KIAA1958: variants seen among roughly 807,000 people sequenced by gnomAD.
The protein encoded by KIAA1958 is uncharacterized protein KIAA1958.
In KIAA1958, 14 loss-of-function variants were observed where a neutral mutation model predicts 47.2. The observed-to-expected ratio is 0.30, with a 90% CI of 0.20 to 0.46. The LOEUF is 0.46. KIAA1958 is among the 20% of genes least tolerant of loss of function. The pLI is 1.00. For synonymous variants in KIAA1958, 354 were observed against 353.3 expected (o/e 1.00, Z -0.02); for missense variants, 803 against 909.2 (o/e 0.88, Z 1.50).
In KIAA1958 at chr9:112,664,231, C is replaced by G. The variant is rs1009443051; in HGVS notation, c.*4162C>G. The G allele has an allele frequency of 1.3e-5, 2 of 152,244 alleles. No homozygotes were observed. The highest frequency in any genetic ancestry group is 2.9e-5 in the Non-Finnish European group (2 of 68,048). 9.4% of individuals were successfully genotyped at this position (152,244 alleles called of 1,614,324 possible). ...AGGAATAAGACTTTCCTTTAATTTT[C>G]AAGTTCCACAACTTCTAAAATTATT... On this transcript the variant is annotated 3_prime_UTR_variant, in exon 4 of 4. Coordinates refer to ENST00000337530, the MANE Select transcript of KIAA1958 (RefSeq NM_133465.4).
rs569446812 is a variant in KIAA1958 at position 112,662,193 on chromosome 9, A to C, written c.*2124A>C. On this transcript the variant is annotated 3_prime_UTR_variant, in exon 4 of 4. Transcript: ENST00000337530. ...GCCTGTCACCTAGTTGATGTTCCATAAAATCCCTGGGTTCTGAAGTGAATT... is the reference window on the plus strand; with the variant it reads ...GCCTGTCACCTAGTTGATGTTCCATCAAATCCCTGGGTTCTGAAGTGAATT... 6.6e-6 allele frequency: 1 copy of C among 152,322 alleles called. No homozygotes were observed. The highest frequency in any genetic ancestry group is 1.9e-4 in the East Asian group (1 of 5,184). The allele number at this position is 152,322 out of a possible 1,614,324, so 9.4% of individuals were successfully genotyped here. A position where few individuals can be genotyped will look rare whatever the true frequency, so the allele number is the denominator to read the frequency against.
intron 2 of KIAA1958, among the ~76,000 whole-genome samples, chr9:112,576,067 T>A (rs1835640031): frequency 6.6e-6 from 1 of 152,202 alleles, no homozygotes; most frequent in Admixed American, 6.5e-5. Context: ...TTTTAGTTTA[T>A]TTCAGCCCTT....
At chr9:112,632,208 TA>T (rs1418774724) in intron 2 of KIAA1958, among the ~76,000 whole-genome samples, 1 of 152,168 alleles carries the variant, frequency 6.6e-6, no homozygotes, top group Non-Finnish European at 1.5e-5. Context: ...ATTTTTCATA[TA>T]AAAATTGGAA....
chr9:112,539,303 G>C (rs1453420419), intron 1 of KIAA1958, among the ~76,000 whole-genome samples: 1 of 152,214 alleles, frequency 6.6e-6, no homozygotes, highest in Non-Finnish European at 1.5e-5. Flanking sequence ...ATGTCTATCA[G>C]CTGATGAAGG....
chr9:112,606,598 TC>T (rs1415701919), intron 2 of KIAA1958, among the ~76,000 whole-genome samples: 1 of 152,206 alleles, frequency 6.6e-6, no homozygotes, highest in Non-Finnish European at 1.5e-5. Context: ...TTATAGTATA[TC>T]TTCTTTTATG....
chr9:112,555,569 G>A (rs1195234573), intron 1 of KIAA1958, among the ~76,000 whole-genome samples: 1 of 152,194 alleles, frequency 6.6e-6, no homozygotes, highest in African/African-American at 2.4e-5. Flanking sequence ...CAAGATTCCA[G>A]CAGGTTCATT....
rs758243573 is a variant in KIAA1958, at chr9:112,487,011, CCGCCCTCG to C, written c.-126_-119del. 7.1e-4 allele frequency: 131 copies of C among 184,434 alleles called. No individual in the cohort carries two copies. Among genetic ancestry groups the C allele is most frequent in the Admixed American group, 1.2e-3 (19 of 15,774 alleles). The allele number at this position is 184,434 out of a possible 1,614,324, so 11.4% of individuals were successfully genotyped here. A position where few individuals can be genotyped will look rare whatever the true frequency, so the allele number is the denominator to read the frequency against. On this transcript the variant is annotated 5_prime_UTR_variant, in exon 1 of 4. Transcript: ENST00000337530. ...GCCCGGCCCTCTGGCCGCTCTCCTC[CCGCCCTCG>C]CGCCCCTTCGGCCCGTCCCGTCCAG...
intron 2 of KIAA1958, among the ~76,000 whole-genome samples, chr9:112,634,473 C>T (rs149832881): frequency 0.036 from 5,552 of 152,202 alleles, 336 homozygotes; most frequent in African/African-American, 0.12. Flanking sequence ...TCAAGTGATC[C>T]GCCAGCCTTG....
chr9:112,529,091 T>C (rs189094421), intron 1 of KIAA1958, among the ~76,000 whole-genome samples: 1 of 152,350 alleles, frequency 6.6e-6, no homozygotes, highest in East Asian at 1.9e-4. Context: ...CAGGAGGTGG[T>C]CTAACAATGG....
chr9:112,500,767 G>T (rs1206966918), intron 1 of KIAA1958, among the ~76,000 whole-genome samples: 3 of 152,054 alleles, frequency 2.0e-5, no homozygotes, highest in Non-Finnish European at 2.9e-5. Context: ...TAATATTTTT[G>T]AGAAAAACGA....
In KIAA1958 at chr9:112,665,948, T is replaced by G. The variant is rs2131260296; in HGVS notation, c.*5879T>G. 1 of 152,324 alleles carries G rather than the reference T, an allele frequency of 6.6e-6. No individual in the cohort carries two copies. The highest frequency in any genetic ancestry group is 2.4e-5 in the African/African-American group (1 of 41,574). 9.4% of individuals were successfully genotyped at this position (152,324 alleles called of 1,614,324 possible). ...CCATTTAATTTTGGTCAGAGGATTT[T>G]TATAATCTGTAGGCTATAGCACTGT... On this transcript the variant is annotated 3_prime_UTR_variant, in exon 4 of 4. Transcript: ENST00000337530.
chr9:112,646,199 G>T (rs190576298), intron 3 of KIAA1958, among the ~76,000 whole-genome samples: 1 of 152,154 alleles, frequency 6.6e-6, no homozygotes, highest in Non-Finnish European at 1.5e-5. Flanking sequence ...AGACTCACTT[G>T]ACTACAGCAG....
intron 2 of KIAA1958, among the ~76,000 whole-genome samples, chr9:112,625,521 C>T (rs1016777017): frequency 6.6e-6 from 1 of 151,874 alleles, no homozygotes; most frequent in African/African-American, 2.4e-5. Flanking sequence ...TGCTCACACC[C>T]TGTTAGGGTG....
intron 1 of KIAA1958, among the ~76,000 whole-genome samples, chr9:112,498,598 T>C (rs1834083345): frequency 6.6e-6 from 1 of 152,202 alleles, no homozygotes; most frequent in African/African-American, 2.4e-5. Flanking sequence ...CATAATCTTA[T>C]GTGTAGAGTG....
At chr9:112,653,675 C>T (rs1188086024) in intron 3 of KIAA1958, among the ~76,000 whole-genome samples, 16 of 152,100 alleles carry the variant, frequency 1.1e-4, no homozygotes, top group Admixed American at 2.0e-4. Flanking sequence ...CCAAGGCGGG[C>T]GGATCACTTG....
chr9:112,536,485 G>T (rs1421837775), intron 1 of KIAA1958, among the ~76,000 whole-genome samples: 1 of 152,234 alleles, frequency 6.6e-6, no homozygotes, highest in South Asian at 2.1e-4. Context: ...CAAATTTCTT[G>T]TTAAGTTGTA....
chr9:112,662,606 A>G lies in KIAA1958; in HGVS notation c.*2537A>G, dbSNP rs954513767. 2 of 152,340 alleles carry G rather than the reference A, an allele frequency of 1.3e-5. No individual in the cohort carries two copies. The highest frequency in any genetic ancestry group is 4.8e-5 in the African/African-American group (2 of 41,458). The allele number at this position is 152,340 out of a possible 1,614,324, so 9.4% of individuals were successfully genotyped here. On this transcript the variant is annotated 3_prime_UTR_variant, in exon 4 of 4. Coordinates refer to ENST00000337530, the MANE Select transcript of KIAA1958 (RefSeq NM_133465.4). ...GGTCAGGAGTTCAAGATCAGGACCA[A>G]CATGGTGAAACCCCATCTCTACTAA...
At chr9:112,656,811 A>G (rs1727646310) in intron 3 of KIAA1958, among the ~76,000 whole-genome samples, 1 of 152,118 alleles carries the variant, frequency 6.6e-6, no homozygotes, top group Non-Finnish European at 1.5e-5. Flanking sequence ...TAGTAATTAT[A>G]TTTTGCTAGA....
intron 2 of KIAA1958, among the ~76,000 whole-genome samples, chr9:112,616,104 G>A (rs545381171): frequency 2.0e-5 from 3 of 152,202 alleles, no homozygotes; most frequent in Non-Finnish European, 2.9e-5. Flanking sequence ...ATGTCAAATG[G>A]TTACATTCAA....
Sources: gnomAD v4.1 joint callset for allele counts (sites outside exome capture counted in the v4.1 genomes callset) on GRCh38, gnomAD v4.1.1 for gene constraint, MANE v1.5 for transcripts, NCBI Gene and HGNC (gene_info 2026-07-23, HGNC 2026-07-21) for gene names.